Variants in QRSL1 observed in about 807,000 individuals in gnomAD.
The protein encoded by QRSL1 is glutamyl-tRNA(Gln) amidotransferase subunit A, mitochondrial.
In QRSL1, 54 loss-of-function variants were observed where a neutral mutation model predicts 61.6. That is an observed-to-expected ratio of 0.88 (90% CI 0.70 to 1.10). The LOEUF (loss-of-function observed/expected upper bound fraction) is 1.10. Ranked by LOEUF, QRSL1 falls within the 50% of genes least tolerant of loss-of-function variation. The probability of loss-of-function intolerance (pLI) is 0.00; values close to 1 mark genes in which losing one functional copy is unlikely to be tolerated. For missense variants in QRSL1, 505 were observed against 622.6 expected (o/e 0.81, Z 2.01); for synonymous variants, 228 against 225.7 (o/e 1.01, Z -0.09).
rs1777243157 is a variant in QRSL1 at position 106,654,863 on chromosome 6, A to G, written c.983A>G (p.His328Arg). ...ACCAGTTATTCAATTGTCTGCTACC[A>G]TGTATTGTGCACATCAGAAGTGGCA... is the stretch of plus-strand genomic sequence containing the variant. Reference protein sequence around the residue: ...PHTSYSIVCYHVLCTSEVASN... With the variant: ...PHTSYSIVCYRVLCTSEVASN... Residue 328 changes from histidine (H) to arginine (R), a missense_variant, in exon 8 of 11, where the codon CAT becomes CGT. His to Arg is a conservative substitution (Grantham distance 29, BLOSUM62 0). Transcript: ENST00000369046. The G allele has an allele frequency of 6.2e-7, 1 of 1,613,836 alleles. No homozygotes were observed. Among genetic ancestry groups the G allele is most frequent in the South Asian group, 1.1e-5 (1 of 91,072 alleles).
intron 9 of QRSL1, among the ~76,000 whole-genome samples, chr6:106,659,546 G>C (rs1224286785): frequency 2.6e-5 from 4 of 151,100 alleles, no homozygotes; most frequent in Non-Finnish European, 5.9e-5. Context: ...GCATCTGTGT[G>C]TATTAATGCT....
At chr6:106,641,053 G>T (rs1582408924) in intron 3 of QRSL1, 132 bp downstream of exon 3, 4 of 649,062 alleles carry the variant, frequency 6.2e-6, no homozygotes, top group Non-Finnish European at 7.2e-6. Context: ...ATAATATCAT[G>T]TTTTTTTACT....
intron 10 of QRSL1, among the ~76,000 whole-genome samples, chr6:106,663,388 A>T (rs1777387709): frequency 6.6e-6 from 1 of 152,204 alleles, no homozygotes; most frequent in Non-Finnish European, 1.5e-5. Context: ...AATTTAATTT[A>T]AAAAAGAGGT....
intron 1 of QRSL1, among the ~76,000 whole-genome samples, chr6:106,637,160 C>T (rs754183166): frequency 6.6e-6 from 1 of 152,144 alleles, no homozygotes; most frequent in African/African-American, 2.4e-5. Context: ...AACTAAGGTC[C>T]GATTTTCTGC....
intron 9 of QRSL1, among the ~76,000 whole-genome samples, chr6:106,659,341 T>C (rs1268984084): frequency 6.6e-6 from 1 of 152,070 alleles, no homozygotes; most frequent in Admixed American, 6.6e-5. Context: ...GGCGTATGCC[T>C]GTAATTCCAG....
intron 4 of QRSL1, among the ~76,000 whole-genome samples, chr6:106,643,590 G>A (rs1051621696): frequency 6.6e-6 from 1 of 151,698 alleles, no homozygotes; most frequent in African/African-American, 2.4e-5. Context: ...TGAGGCGGGA[G>A]AATCGCTTGA....
intron 4 of QRSL1, among the ~76,000 whole-genome samples, chr6:106,647,790 A>T (rs946914376): frequency 6.9e-6 from 1 of 145,426 alleles, no homozygotes; most frequent in Non-Finnish European, 1.5e-5. Context: ...AGCTGGGACT[A>T]CAGGCGCCCG....
chr6:106,636,319 T>A (rs1301033160), intron 1 of QRSL1, among the ~76,000 whole-genome samples: 1 of 122,044 alleles, frequency 8.2e-6, no homozygotes, highest in Non-Finnish European at 1.6e-5. Context: ...GCTCTGCTAC[T>A]TTTTTTTTTT....
chr6:106,629,829 T>G lies in QRSL1; in HGVS notation c.24+124T>G, dbSNP rs1776777759. Reference sequence around the variant, plus strand: ...CCTCGCTGCTTCCTCTAGAACTGAGTGGGGGATAAGTACCTTTCGATTCTT... The same window carrying G: ...CCTCGCTGCTTCCTCTAGAACTGAGGGGGGGATAAGTACCTTTCGATTCTT... On this transcript the variant is annotated intron_variant, in intron 1 of 10. Coordinates refer to ENST00000369046, the MANE Select transcript of QRSL1 (RefSeq NM_018292.5). 4 of 1,196,296 alleles carry G rather than the reference T, an allele frequency of 3.3e-6. No homozygotes were observed. The Admixed American group carries it at 8.5e-5, about 26-fold the overall frequency. 74.1% of individuals were successfully genotyped at this position (1,196,296 alleles called of 1,614,324 possible).
At chr6:106,630,170 C>CA (rs1776789934) in intron 1 of QRSL1, among the ~76,000 whole-genome samples, 1 of 152,164 alleles carries the variant, frequency 6.6e-6, no homozygotes, top group Non-Finnish European at 1.5e-5. Flanking sequence ...ACTAAGATAC[C>CA]AGTGATTTCC....
intron 5 of QRSL1, among the ~76,000 whole-genome samples, chr6:106,650,170 C>T (rs1777170377): frequency 6.6e-6 from 1 of 152,006 alleles, no homozygotes; most frequent in Admixed American, 6.6e-5. Flanking sequence ...TTTTTCTGTC[C>T]TCATCATCCC....
Position 106,666,368 on chromosome 6 carries a change from A to G in QRSL1, c.*366A>G. On this transcript the variant is annotated 3_prime_UTR_variant, in exon 11 of 11. Coordinates refer to ENST00000369046, the MANE Select transcript of QRSL1 (RefSeq NM_018292.5). The stretch of plus-strand genomic sequence containing the variant: ...ATGACGTACAGAGATTCTATATTCT[A>G]GAGAGTCAAATGGTCTTGCTCAATT... 4.6e-6 allele frequency: 1 copy of G among 218,920 alleles called. No individual in the cohort carries two copies. Among genetic ancestry groups the G allele is most frequent in the Non-Finnish European group, 9.3e-6 (1 of 107,966 alleles). 13.6% of individuals were successfully genotyped at this position (218,920 alleles called of 1,614,324 possible).
chr6:106,631,425 A>G (rs1776828849), intron 1 of QRSL1, among the ~76,000 whole-genome samples: 1 of 152,208 alleles, frequency 6.6e-6, no homozygotes, highest in South Asian at 2.1e-4. Context: ...ATTGTAAACT[A>G]TGTGCCTATT....
intron 4 of QRSL1, among the ~76,000 whole-genome samples, chr6:106,648,749 C>A (rs7743579): frequency 0.019 from 2,912 of 152,278 alleles, 80 homozygotes; most frequent in African/African-American, 0.068. Context: ...CAAGGGAAAT[C>A]ATCTTCAGTT....
intron 1 of QRSL1, among the ~76,000 whole-genome samples, chr6:106,635,647 G>A (rs757184349): frequency 1.2e-4 from 18 of 152,098 alleles, no homozygotes; most frequent in Non-Finnish European, 2.2e-4. Context: ...GGCTGAGGCG[G>A]GCAGATCACG....
intron 9 of QRSL1, among the ~76,000 whole-genome samples, chr6:106,661,504 T>C (rs1362406125): frequency 1.3e-5 from 2 of 152,152 alleles, no homozygotes; most frequent in African/African-American, 4.8e-5. Flanking sequence ...GATGCCTGCA[T>C]TGGTCTCTCT....
intron 1 of QRSL1, among the ~76,000 whole-genome samples, chr6:106,634,909 T>C (rs1776897922): frequency 6.6e-6 from 1 of 152,118 alleles, no homozygotes; most frequent in Admixed American, 6.6e-5. Context: ...TCAAGGAGGA[T>C]ACTTAGGTTT....
intron 4 of QRSL1, among the ~76,000 whole-genome samples, chr6:106,643,590 G>T (rs1051621696): frequency 9.2e-5 from 14 of 151,698 alleles, no homozygotes; most frequent in African/African-American, 3.4e-4. Context: ...TGAGGCGGGA[G>T]AATCGCTTGA....
At chr6:106,655,431 A>G (rs1287647411) in intron 8 of QRSL1, among the ~76,000 whole-genome samples, 184 bp from the exon 9 acceptor site, 1 of 150,468 alleles carries the variant, frequency 6.6e-6, no homozygotes, top group East Asian at 1.9e-4. Context: ...CAGGAGAATC[A>G]CTTGACAAGG....
Sources: allele counts gnomAD v4.1 joint callset (sites outside exome capture counted in the v4.1 genomes callset), GRCh38; gene constraint gnomAD v4.1.1; transcripts MANE v1.5; gene names NCBI Gene and HGNC (gene_info 2026-07-23, HGNC 2026-07-21).